The following GRM7 variants were observed in gnomAD, a reference collection of about 807,000 sequenced individuals.
GRM7 encodes metabotropic glutamate receptor 7.
GRM7 carries 35 observed loss-of-function variants against 84.5 expected under a neutral mutation model. The observed-to-expected ratio is 0.41, with a 90% CI of 0.32 to 0.55. The LOEUF is 0.55. Among genes scored for constraint, GRM7 ranks in the 20% least tolerant of loss-of-function variants. The pLI is 0.19. For missense variants in GRM7, 1,003 were observed against 1,194.6 expected (o/e 0.84, Z 2.36); for synonymous variants, 487 against 455.1 (o/e 1.07, Z -0.89).
intron 1 of GRM7, among the ~76,000 whole-genome samples, chr3:6,936,959 C>T (rs1370299453): frequency 2.0e-5 from 3 of 152,170 alleles, no homozygotes; most frequent in African/African-American, 7.2e-5. Flanking sequence ...GTCATTTGGA[C>T]ATTTTAGTCA....
At chr3:7,255,643 C>T (rs1698166724) in intron 2 of GRM7, among the ~76,000 whole-genome samples, 3 of 152,260 alleles carry the variant, frequency 2.0e-5, no homozygotes, top group South Asian at 2.1e-4. Flanking sequence ...AAACCATGTT[C>T]CTATTTATAG....
At chr3:7,448,162 G>C (rs958873435) in intron 5 of GRM7, among the ~76,000 whole-genome samples, 1 of 151,552 alleles carries the variant, frequency 6.6e-6, no homozygotes, top group African/African-American at 2.4e-5. Flanking sequence ...TTGGACACTT[G>C]GGTTGGTTCC....
chr3:7,652,240 G>C (rs1299306734), intron 8 of GRM7, among the ~76,000 whole-genome samples: 2 of 152,100 alleles, frequency 1.3e-5, no homozygotes, highest in Non-Finnish European at 2.9e-5. Flanking sequence ...CAAGACACAG[G>C]TAAAAACAGG....
intron 1 of GRM7, among the ~76,000 whole-genome samples, chr3:7,095,594 A>G (rs1325910745): frequency 1.3e-5 from 2 of 152,148 alleles, no homozygotes; most frequent in African/African-American, 4.8e-5. Context: ...AATGTTTTCT[A>G]TTATATCAGG....
chr3:6,891,542 G>A (rs963011601), intron 1 of GRM7, among the ~76,000 whole-genome samples: 61 of 152,086 alleles, frequency 4.0e-4, no homozygotes, highest in African/African-American at 1.3e-3. Flanking sequence ...CTTTTCTTTA[G>A]GAATGTTGAA....
intron 8 of GRM7, among the ~76,000 whole-genome samples, chr3:7,649,934 G>T (rs1007929279): frequency 1.3e-5 from 2 of 152,050 alleles, no homozygotes; most frequent in Non-Finnish European, 2.9e-5. Context: ...GGTGATAATA[G>T]ATTGTTATTT....
chr3:7,103,328 A>G (rs2125024392), intron 1 of GRM7, among the ~76,000 whole-genome samples: 1 of 151,840 alleles, frequency 6.6e-6, no homozygotes, highest in South Asian at 2.1e-4. Flanking sequence ...AGTGGCTACC[A>G]AGCCTCTCTA....
At chr3:7,297,884 A>G (rs1245803398) in intron 2 of GRM7, among the ~76,000 whole-genome samples, 2 of 152,214 alleles carry the variant, frequency 1.3e-5, no homozygotes, top group Non-Finnish European at 2.9e-5. Context: ...GCAGCTGCTA[A>G]GCAAGAAGCA....
At chr3:7,363,430 C>A (rs1022047867) in intron 4 of GRM7, among the ~76,000 whole-genome samples, 2 of 152,042 alleles carry the variant, frequency 1.3e-5, no homozygotes, top group Non-Finnish European at 2.9e-5. Context: ...ACCAAAAGAG[C>A]AGGTCATGCA....
intron 2 of GRM7, among the ~76,000 whole-genome samples, chr3:7,168,525 G>A (rs541131600): frequency 2.0e-5 from 3 of 152,240 alleles, no homozygotes; most frequent in Admixed American, 2.0e-4. Flanking sequence ...GAAAAGAGCA[G>A]GACACTGAAT....
intron 9 of GRM7, among the ~76,000 whole-genome samples, chr3:7,731,232 A>G (rs2106526959): frequency 6.6e-6 from 1 of 152,260 alleles, no homozygotes; most frequent in Middle Eastern, 3.4e-3. Flanking sequence ...AAAAGTTACA[A>G]AGGAAATCTG....
At chr3:7,297,907 G>A (rs910976705) in intron 2 of GRM7, among the ~76,000 whole-genome samples, 14 of 152,298 alleles carry the variant, frequency 9.2e-5, no homozygotes, top group Admixed American at 3.9e-4. Context: ...GAAGTAAGAT[G>A]TATACGCATT....
chr3:7,117,969 G>T (rs1574927184), intron 1 of GRM7, among the ~76,000 whole-genome samples: 1 of 152,120 alleles, frequency 6.6e-6, no homozygotes, highest in Non-Finnish European at 1.5e-5. Context: ...GGGGGTGGGG[G>T]CCTTGTAGAA....
intron 2 of GRM7, among the ~76,000 whole-genome samples, chr3:7,260,136 G>GTT (rs543468975): frequency 6.8e-6 from 1 of 147,260 alleles, no homozygotes; most frequent in African/African-American, 2.5e-5. Flanking sequence ...ACTTTTCAAT[G>GTT]TTTTTTTTTT....
chr3:7,099,330 C>T (rs939017019), intron 1 of GRM7, among the ~76,000 whole-genome samples: 12 of 119,814 alleles, frequency 1.0e-4, no homozygotes, highest in African/African-American at 4.6e-4. Context: ...TATATATGTA[C>T]ACATGTATTA....
intron 6 of GRM7, among the ~76,000 whole-genome samples, chr3:7,456,355 G>A (rs967880942): frequency 6.6e-6 from 1 of 151,896 alleles, no homozygotes; most frequent in Non-Finnish European, 1.5e-5. Context: ...TGTTTATTAA[G>A]TGGTTATTGT....
At chr3:7,012,600 C>T (rs1695413341) in intron 1 of GRM7, among the ~76,000 whole-genome samples, 2 of 146,560 alleles carry the variant, frequency 1.4e-5, no homozygotes, top group Non-Finnish European at 1.5e-5. Flanking sequence ...ATTTTTCTGA[C>T]CTTTCCCTGG....
intron 4 of GRM7, among the ~76,000 whole-genome samples, chr3:7,390,993 GT>G (rs1694969256): frequency 6.6e-6 from 1 of 151,628 alleles, no homozygotes; most frequent in African/African-American, 2.4e-5. Flanking sequence ...TTTTGTTGTT[GT>G]TGTTGTTTTG....
At chr3:7,342,861 T>C (rs1032696204) in intron 4 of GRM7, among the ~76,000 whole-genome samples, 4 of 152,154 alleles carry the variant, frequency 2.6e-5, no homozygotes, top group Admixed American at 6.5e-5. Flanking sequence ...ATGTGGTCTG[T>C]AGCTTTGGAC....
Sources: allele counts gnomAD v4.1 joint callset (sites outside exome capture counted in the v4.1 genomes callset), GRCh38; gene constraint gnomAD v4.1.1; transcripts MANE v1.5; gene names NCBI Gene and HGNC (gene_info 2026-07-23, HGNC 2026-07-21).